The following ZNF341 variants were observed in gnomAD, a reference collection of about 807,000 sequenced individuals.
ZNF341 encodes the protein zinc finger protein 341.
Under a neutral mutation model 87.7 loss-of-function variants are expected in ZNF341, and 52 were observed. The observed-to-expected ratio is 0.59, with a 90% CI of 0.47 to 0.75. The LOEUF (loss-of-function observed/expected upper bound fraction) is 0.75. Ranked by LOEUF, ZNF341 falls within the 30% of genes least tolerant of loss-of-function variation. The pLI, the probability that ZNF341 is intolerant of heterozygous loss-of-function variation, is 0.00. For missense variants in ZNF341, 977 were observed against 1,145.9 expected, an observed-to-expected ratio of 0.85 and a Z score of 2.13; for synonymous variants, 459 against 472.7, an observed-to-expected ratio of 0.97 and a Z score of 0.38.
rs547202249 is a variant in ZNF341 at position 33,790,284 on chromosome 20, G to A, written c.2035+696G>A. Among the ~76,000 whole-genome samples, 6 of 152,162 alleles carry A rather than the reference G, an allele frequency of 3.9e-5. No individual in the cohort carries two copies. In the East Asian group the frequency reaches 5.8e-4, roughly 15 times the overall value. On this transcript the variant is annotated intron_variant, in intron 14 of 14. Coordinates refer to ENST00000375200, the MANE Select transcript of ZNF341 (RefSeq NM_001282933.2). ...ATGGGGTTTTCACCATGTTGGCTAG[G>A]CTGGTGTCGAACTCCTGACCTCAAG...
chr20:33,757,445 A>G (rs1216100295), intron 6 of ZNF341, 102 bp downstream of exon 6: 1 of 1,068,452 alleles, frequency 9.4e-7, no homozygotes, highest in East Asian at 3.1e-5. Context: ...GTTTGGTTGC[A>G]TGTAATAGAA....
intron 5 of ZNF341, among the ~76,000 whole-genome samples, chr20:33,754,950 T>G (rs971003109): frequency 6.6e-6 from 1 of 152,172 alleles, no homozygotes; most frequent in Non-Finnish European, 1.5e-5. Context: ...CAAGTATTTA[T>G]TTATTTATTT....
At chr20:33,758,393 T>C (rs1015732332) in intron 6 of ZNF341, among the ~76,000 whole-genome samples, 3 of 152,200 alleles carry the variant, frequency 2.0e-5, no homozygotes, top group Non-Finnish European at 4.4e-5. Context: ...AGGAGTCCAC[T>C]GCAGCTGGAT....
rs185656624 is a variant in ZNF341 at position 33,774,947 on chromosome 20, C to T, written c.1622+4655C>T. 7.9e-5 allele frequency among the ~76,000 whole-genome samples: 12 copies of T among 152,152 alleles called. No individual in the cohort carries two copies. In the East Asian group the frequency reaches 1.4e-3, roughly 17 times the overall value. On this transcript the variant is annotated intron_variant, in intron 10 of 14. Coordinates refer to ENST00000375200, the MANE Select transcript of ZNF341 (RefSeq NM_001282933.2). Reference sequence around the variant, plus strand: ...CCACTGCACTCGTGAGACCCTGTCTCGGGGAAAAACAAAAACATCAGTAAT... The same window carrying T: ...CCACTGCACTCGTGAGACCCTGTCTTGGGGAAAAACAAAAACATCAGTAAT...
chr20:33,736,448 T>A (rs148415680), intron 1 of ZNF341, among the ~76,000 whole-genome samples: 2,483 of 152,222 alleles, frequency 0.016, 76 homozygotes, highest in African/African-American at 0.056. Flanking sequence ...AAAACTAAAC[T>A]GTCTTTGTAA....
At chr20:33,780,589 G>T (rs953236173) in intron 10 of ZNF341, among the ~76,000 whole-genome samples, 1 of 151,952 alleles carries the variant, frequency 6.6e-6, no homozygotes, top group Non-Finnish European at 1.5e-5. Flanking sequence ...TGTATTTTTA[G>T]TAGAGAGACG....
intron 7 of ZNF341, among the ~76,000 whole-genome samples, chr20:33,760,171 G>A (rs1375188661): frequency 6.6e-6 from 1 of 152,196 alleles, no homozygotes; most frequent in Non-Finnish European, 1.5e-5. Flanking sequence ...GGGAGGCTGA[G>A]GTGGGTAGAT....
At chr20:33,781,165 G>C in intron 10 of ZNF341, 126 bp from the exon 11 acceptor site, 1 of 736,926 alleles carries the variant, frequency 1.4e-6, no homozygotes, top group Non-Finnish European at 2.4e-6. Context: ...ATTGAGAAGA[G>C]TGGATGGATT....
chr20:33,791,620 G>T lies in ZNF341; in HGVS notation c.*103G>T. On this transcript the variant is annotated 3_prime_UTR_variant, in exon 15 of 15. Transcript: ENST00000375200. The stretch of plus-strand genomic sequence containing the variant: ...TCCTTACCAGTGGAAGCGAGCCATC[G>T]AGCCATTGGCAGAAATCCTGCTGAA... 5 of 1,296,274 alleles carry T rather than the reference G, an allele frequency of 3.9e-6. No individual in the cohort carries two copies. The South Asian group carries it at 8.2e-5, about 21-fold the overall frequency. 80.3% of individuals were successfully genotyped at this position (1,296,274 alleles called of 1,614,324 possible).
chr20:33,747,629 AAAAAAAAAAAAAAC>A (rs1197452306), intron 3 of ZNF341, among the ~76,000 whole-genome samples: 2 of 148,204 alleles, frequency 1.3e-5, no homozygotes, highest in Non-Finnish European at 3.0e-5. Context: ...AAAAAAAAAA[AAAAAAAAAAAAAAC>A]ACAGTCATTT....
chr20:33,778,171 C>A (rs1365441509), intron 10 of ZNF341, among the ~76,000 whole-genome samples: 1 of 152,122 alleles, frequency 6.6e-6, no homozygotes, highest in Non-Finnish European at 1.5e-5. Context: ...AAACCCAGCC[C>A]CTGAAGCATG....
At chr20:33,745,011 A>G in intron 2 of ZNF341, 92 bp from the exon 3 acceptor site, 2 of 1,190,366 alleles carry the variant, frequency 1.7e-6, no homozygotes, top group South Asian at 1.4e-5. Context: ...CCTGTCTCAT[A>G]CTGTGATGCC....
intron 10 of ZNF341, among the ~76,000 whole-genome samples, chr20:33,771,347 G>A (rs1249602976): frequency 6.6e-6 from 1 of 152,074 alleles, no homozygotes; most frequent in African/African-American, 2.4e-5. Flanking sequence ...CCGGGCTCAG[G>A]TGATCCTCCC....
rs921158596 is a variant in ZNF341, at chr20:33,747,514, C to A, written c.340-1409C>A. On this transcript the variant is annotated intron_variant, in intron 3 of 14. Coordinates refer to ENST00000375200, the MANE Select transcript of ZNF341 (RefSeq NM_001282933.2). ...CCTGTAGTCCCAGCTACTTGGGAGGCTGAGGCAGGAGAATGGCGTGGACCC... is the reference window on the plus strand; with the variant it reads ...CCTGTAGTCCCAGCTACTTGGGAGGATGAGGCAGGAGAATGGCGTGGACCC... 1.5e-3 allele frequency among the ~76,000 whole-genome samples: 194 copies of A among 132,558 alleles called. 1 individual carries two copies. Among genetic ancestry groups the A allele is most frequent in the Middle Eastern group, 4.2e-3 (1 of 238 alleles). The allele number at this position is 132,558 out of a possible 152,430, so 87.0% of individuals were successfully genotyped here.
intron 1 of ZNF341, among the ~76,000 whole-genome samples, chr20:33,738,186 C>T (rs1285044221): frequency 6.6e-6 from 1 of 151,300 alleles, no homozygotes; most frequent in Non-Finnish European, 1.5e-5. Flanking sequence ...TGCCTGTATT[C>T]CCAGCACTTT....
chr20:33,776,325 T>C (rs2019626026), intron 10 of ZNF341, among the ~76,000 whole-genome samples: 1 of 151,858 alleles, frequency 6.6e-6, no homozygotes, highest in South Asian at 2.1e-4. Flanking sequence ...ATTCCTGGGC[T>C]CAAGTGATCC....
At chr20:33,785,370 T>A (rs570621099) in intron 12 of ZNF341, among the ~76,000 whole-genome samples, 26 of 152,200 alleles carry the variant, frequency 1.7e-4, no homozygotes, top group Middle Eastern at 3.4e-3. Flanking sequence ...TGAGACAGGG[T>A]CTCACTCTGT....
In ZNF341 at chr20:33,762,061, T is replaced by C; in HGVS notation, c.1222+6T>C. 6.6e-7 allele frequency: 1 copy of C among 1,526,708 alleles called. No individual in the cohort carries two copies. The highest frequency in any genetic ancestry group is 1.2e-5 in the South Asian group (1 of 81,890). 94.6% of individuals were successfully genotyped at this position (1,526,708 alleles called of 1,614,324 possible). A position where few individuals can be genotyped will look rare whatever the true frequency, so the allele number is the denominator to read the frequency against. Reference sequence around the variant, plus strand: ...GGAGGACGAGGAAAGCACAGGTGGGTGGAAGTAGGGAACGCCATGCTTCCC... The same window carrying C: ...GGAGGACGAGGAAAGCACAGGTGGGCGGAAGTAGGGAACGCCATGCTTCCC... On this transcript the variant is annotated splice_donor_region_variant and intron_variant, in intron 8 of 14. Transcript: ENST00000375200.
chr20:33,751,650 T>G lies in ZNF341; in HGVS notation c.490-1522T>G, dbSNP rs1341023703. ...GTGCAGTGGTGCAATTTCGGCTCAC[T>G]GCAACCTCCACCTCCCTGGGCTCAG... On this transcript the variant is annotated intron_variant, in intron 4 of 14. Coordinates refer to ENST00000375200, the MANE Select transcript of ZNF341 (RefSeq NM_001282933.2). 3.9e-5 allele frequency among the ~76,000 whole-genome samples: 6 copies of G among 152,246 alleles called. No homozygotes were observed. In the East Asian group the frequency reaches 1.2e-3, roughly 29 times the overall value.
Sources: allele counts gnomAD v4.1 joint callset (sites outside exome capture counted in the v4.1 genomes callset), GRCh38; gene constraint gnomAD v4.1.1; transcripts MANE v1.5; gene names NCBI Gene and HGNC (gene_info 2026-07-23, HGNC 2026-07-21).